Variants in PLS1 observed in about 807,000 individuals in gnomAD.
PLS1 encodes plastin-1.
In PLS1, 32 loss-of-function variants were observed where a neutral mutation model predicts 73.7. The ratio of observed to expected loss-of-function variants is 0.43; its 90% CI spans 0.33 to 0.58. PLS1 has a LOEUF of 0.58. PLS1 is among the 20% of genes least tolerant of loss of function. The pLI, the probability that PLS1 is intolerant of heterozygous loss-of-function variation, is 0.04. For synonymous variants in PLS1, 217 were observed against 261.3 expected (o/e 0.83, Z 1.63); for missense variants, 633 against 740.5 (o/e 0.85, Z 1.68).
At chr3:142,599,394 A>G (rs1442698263) in intron 1 of PLS1, among the ~76,000 whole-genome samples, 19 of 146,152 alleles carry the variant, frequency 1.3e-4, no homozygotes, top group Admixed American at 1.1e-3. Context: ...CAGTGGCGCA[A>G]TCTCGGCTCA....
chr3:142,661,821 C>T (rs988409308), intron 1 of PLS1, among the ~76,000 whole-genome samples: 1 of 152,168 alleles, frequency 6.6e-6, no homozygotes, highest in African/African-American at 2.4e-5. Flanking sequence ...TTTAGCTTTA[C>T]ACTGAATAGA....
intron 1 of PLS1, among the ~76,000 whole-genome samples, chr3:142,612,087 A>C (rs1009850459): frequency 2.0e-5 from 3 of 152,242 alleles, no homozygotes; most frequent in African/African-American, 7.2e-5. Context: ...CGATGTAAGA[A>C]AATAGAAGTA....
At chr3:142,635,322 GA>G in intron 1 of PLS1, among the ~76,000 whole-genome samples, 1 of 148,326 alleles carries the variant, frequency 6.7e-6, no homozygotes, top group South Asian at 2.1e-4. Context: ...AATAGCAGGA[GA>G]AAAAACTTAA....
At chr3:142,709,349 A>G (rs557058782) in intron 14 of PLS1, among the ~76,000 whole-genome samples, 1 of 152,312 alleles carries the variant, frequency 6.6e-6, no homozygotes, top group Admixed American at 6.5e-5. Context: ...GATTACCAGC[A>G]TCAGATAGAC....
At chr3:142,675,010 C>A (rs1421072838) in intron 4 of PLS1, among the ~76,000 whole-genome samples, 1 of 152,156 alleles carries the variant, frequency 6.6e-6, no homozygotes, top group Non-Finnish European at 1.5e-5. Flanking sequence ...GGATTACAGG[C>A]ATGAGCCACC....
intron 2 of PLS1, among the ~76,000 whole-genome samples, chr3:142,665,317 A>G (rs193016592): frequency 1.3e-5 from 2 of 152,028 alleles, no homozygotes; most frequent in African/African-American, 4.8e-5. Context: ...AAAAACCAAA[A>G]AACTGTGAAA....
At chr3:142,705,230 TG>T (rs2107962265) in intron 14 of PLS1, among the ~76,000 whole-genome samples, 1 of 152,238 alleles carries the variant, frequency 6.6e-6, no homozygotes, top group South Asian at 2.1e-4. Context: ...AAGAAGCCAT[TG>T]TTTATATAGG....
intron 1 of PLS1, among the ~76,000 whole-genome samples, chr3:142,615,701 T>G (rs1423748778): frequency 6.6e-6 from 1 of 151,982 alleles, no homozygotes; most frequent in Non-Finnish European, 1.5e-5. Flanking sequence ...TCTGTTATCA[T>G]GTGAAGGAAG....
chr3:142,635,986 C>T (rs191997384), intron 1 of PLS1, among the ~76,000 whole-genome samples: 26 of 152,182 alleles, frequency 1.7e-4, no homozygotes, highest in South Asian at 1.0e-3. Context: ...ACCTCCTGGG[C>T]TCAAGAGAGC....
At chr3:142,689,916 A>AGTGTGTGTAG in intron 10 of PLS1, 103 bp downstream of exon 10, 1 of 727,948 alleles carries the variant, frequency 1.4e-6, no homozygotes, top group East Asian at 2.8e-5. Context: ...AATGCAATTT[A>AGTGTGTGTAG]GTGTGTGTAG....
chr3:142,630,406 G>A (rs2036530293), intron 1 of PLS1, among the ~76,000 whole-genome samples: 2 of 123,032 alleles, frequency 1.6e-5, no homozygotes, highest in South Asian at 5.7e-4. Context: ...GGGCAACACA[G>A]TGAGACCCTG....
chr3:142,696,957 C>T (rs187685243), intron 11 of PLS1, among the ~76,000 whole-genome samples: 104 of 151,948 alleles, frequency 6.8e-4, no homozygotes, highest in African/African-American at 2.4e-3. Flanking sequence ...GTACTGGGCC[C>T]AGCTCCCTTC....
chr3:142,614,206 G>A (rs565057424), intron 1 of PLS1, among the ~76,000 whole-genome samples: 7 of 152,326 alleles, frequency 4.6e-5, no homozygotes, highest in African/African-American at 1.7e-4. Context: ...ACCAGCTGAG[G>A]AGGAAAAAGA....
intron 9 of PLS1, among the ~76,000 whole-genome samples, chr3:142,687,690 C>G (rs561689904): frequency 6.6e-6 from 1 of 152,046 alleles, no homozygotes; most frequent in Non-Finnish European, 1.5e-5. Context: ...CTATTTCTCT[C>G]CTCTCCTATA....
At chr3:142,693,314 G>A (rs1312304723) in intron 10 of PLS1, among the ~76,000 whole-genome samples, 1 of 152,144 alleles carries the variant, frequency 6.6e-6, no homozygotes, top group East Asian at 1.9e-4. Context: ...TTCCTATCAT[G>A]GGTGTGCAGG....
At chr3:142,668,239 G>A (rs2037519660) in intron 2 of PLS1, among the ~76,000 whole-genome samples, 1 of 152,148 alleles carries the variant, frequency 6.6e-6, no homozygotes, top group Non-Finnish European at 1.5e-5. Flanking sequence ...CCGGCCTCTA[G>A]GGAAAACCTA....
chr3:142,619,190 A>G (rs1442786160), intron 1 of PLS1, among the ~76,000 whole-genome samples: 2 of 152,192 alleles, frequency 1.3e-5, no homozygotes, highest in Non-Finnish European at 2.9e-5. Context: ...AGCTGCCACA[A>G]CATTTATCTC....
rs575388691 is a variant in PLS1, at chr3:142,619,233, G to T, written c.-37+22724G>T. ...AGGAAAGGAAGGCAATTCACATTAA[G>T]CCTGCTTCTCTGGTAGCTTGGATTC... is the stretch of plus-strand genomic sequence containing the variant. On this transcript the variant is annotated intron_variant, in intron 1 of 15. Transcript: ENST00000457734. 3.9e-5 allele frequency among the ~76,000 whole-genome samples: 6 copies of T among 152,264 alleles called. No homozygotes were observed. In the South Asian group the frequency reaches 1.2e-3, roughly 32 times the overall value.
At chr3:142,709,211 A>G (rs1270850092) in intron 14 of PLS1, among the ~76,000 whole-genome samples, 1 of 152,240 alleles carries the variant, frequency 6.6e-6, no homozygotes, top group African/African-American at 2.4e-5. Context: ...AGCCTCATTC[A>G]TAGATAACCT....
Sources: gnomAD v4.1 joint callset for allele counts (sites outside exome capture counted in the v4.1 genomes callset) on GRCh38, gnomAD v4.1.1 for gene constraint, MANE v1.5 for transcripts, NCBI Gene and HGNC (gene_info 2026-07-23, HGNC 2026-07-21) for gene names.